The following LMNTD1 variants were observed in gnomAD, a reference collection of about 807,000 sequenced individuals.
The protein encoded by LMNTD1 is lamin tail domain containing 1.
LMNTD1 carries 35 observed loss-of-function variants against 50.9 expected under a neutral mutation model. The ratio of observed to expected loss-of-function variants is 0.69; its 90% CI spans 0.53 to 0.91. The LOEUF (loss-of-function observed/expected upper bound fraction) is 0.91. Among genes scored for constraint, LMNTD1 ranks in the 40% least tolerant of loss-of-function variants. The pLI is 0.00. For synonymous variants in LMNTD1, 153 were observed against 161.9 expected, an observed-to-expected ratio of 0.94 and a Z score of 0.42; for missense variants, 470 against 475.5, an observed-to-expected ratio of 0.99 and a Z score of 0.11.
chr12:25,484,392 C>A (rs1190723213), intron 9 of LMNTD1, among the ~76,000 whole-genome samples: 6 of 151,878 alleles, frequency 4.0e-5, no homozygotes. Flanking sequence ...AGCCACTGCG[C>A]CTGGCCCAGC....
chr12:25,583,315 C>T (rs186640759), intron 1 of LMNTD1, among the ~76,000 whole-genome samples: 1,499 of 137,746 alleles, frequency 0.011, 13 homozygotes, highest in Non-Finnish European at 0.016. Flanking sequence ...GCGTGAGCCA[C>T]CGTGCCCGGC....
At chr12:25,606,166 T>C (rs1458346076) in intron 1 of LMNTD1, among the ~76,000 whole-genome samples, 2 of 152,208 alleles carry the variant, frequency 1.3e-5, no homozygotes, top group African/African-American at 4.8e-5. Context: ...ATGCTTCTGA[T>C]TTTTTCACAT....
At chr12:25,524,839 G>A (rs967639028) in intron 6 of LMNTD1, among the ~76,000 whole-genome samples, 1 of 152,116 alleles carries the variant, frequency 6.6e-6, no homozygotes, top group Admixed American at 6.5e-5. Context: ...GAGCCCACAA[G>A]GAGATCTAAA....
rs1437285272 is a variant in LMNTD1 at position 25,523,554 on chromosome 12, G to A, written c.798+2545C>T. 9.9e-5 allele frequency among the ~76,000 whole-genome samples: 15 copies of A among 152,192 alleles called. No homozygotes were observed. The East Asian group carries it at 2.1e-3, about 22-fold the overall frequency. On this transcript the variant is annotated intron_variant, in intron 6 of 9. Transcript: ENST00000458174. Reference sequence around the variant, plus strand: ...AGGGTCATGATGACACTTTGAGTTCGTGTTTCAGCATGTCTATGAGAAGGC... The same window carrying A: ...AGGGTCATGATGACACTTTGAGTTCATGTTTCAGCATGTCTATGAGAAGGC...
chr12:25,633,802 C>A (rs976974145), intron 1 of LMNTD1, among the ~76,000 whole-genome samples: 14 of 152,098 alleles, frequency 9.2e-5, no homozygotes, highest in Admixed American at 7.9e-4. Flanking sequence ...CCAAACCCAG[C>A]AGAAGAAAGG....
intron 1 of LMNTD1, among the ~76,000 whole-genome samples, chr12:25,609,809 T>C (rs1486450527): frequency 1.3e-5 from 2 of 152,244 alleles, no homozygotes; most frequent in Admixed American, 6.5e-5. Flanking sequence ...AGGGACCAAC[T>C]TGAAGAAGCA....
intron 9 of LMNTD1, among the ~76,000 whole-genome samples, chr12:25,486,492 TTA>T (rs1273563531): frequency 1.5e-5 from 2 of 137,524 alleles, no homozygotes; most frequent in Admixed American, 1.6e-4. Context: ...TGAATACCCT[TTA>T]TTTCCTTCTC....
intron 1 of LMNTD1, among the ~76,000 whole-genome samples, chr12:25,602,529 A>G (rs1946004511): frequency 6.6e-6 from 1 of 152,062 alleles, no homozygotes. Context: ...TGGCAAGTCC[A>G]CAACTGCCTC....
intron 1 of LMNTD1, among the ~76,000 whole-genome samples, chr12:25,603,999 C>G (rs1303852607): frequency 6.6e-6 from 1 of 152,002 alleles, no homozygotes; most frequent in Non-Finnish European, 1.5e-5. Context: ...TAATAAAGAG[C>G]TATGCAAACA....
intron 1 of LMNTD1, among the ~76,000 whole-genome samples, chr12:25,583,579 A>T (rs960140485): frequency 5.9e-5 from 9 of 152,200 alleles, no homozygotes; most frequent in African/African-American, 2.2e-4. Context: ...ATTTCCCCGT[A>T]TCTTTTTGAA....
At chr12:25,567,929 T>C (rs1441322565) in intron 1 of LMNTD1, among the ~76,000 whole-genome samples, 1 of 151,990 alleles carries the variant, frequency 6.6e-6, no homozygotes, top group African/African-American at 2.4e-5. Flanking sequence ...AAGTGGGGTG[T>C]TTCTATAAAG....
chr12:25,637,363 A>G (rs1270812508), intron 1 of LMNTD1, among the ~76,000 whole-genome samples: 4 of 152,166 alleles, frequency 2.6e-5, no homozygotes, highest in Non-Finnish European at 4.4e-5. Context: ...ACAGAATTAA[A>G]GGAAAGCCTG....
intron 6 of LMNTD1, among the ~76,000 whole-genome samples, chr12:25,523,691 A>T (rs1245221752): frequency 6.6e-6 from 1 of 152,192 alleles, no homozygotes; most frequent in Non-Finnish European, 1.5e-5. Context: ...CTATACTTAC[A>T]TTAGGGTTTC....
At chr12:25,621,992 G>A (rs1946481691) in intron 1 of LMNTD1, among the ~76,000 whole-genome samples, 1 of 152,184 alleles carries the variant, frequency 6.6e-6, no homozygotes, top group Non-Finnish European at 1.5e-5. Flanking sequence ...GAGGCAAGTG[G>A]GTTGGATCAA....
chr12:25,587,959 G>A (rs829057), intron 1 of LMNTD1, among the ~76,000 whole-genome samples: 122,968 of 152,116 alleles, frequency 0.81, 50,089 homozygotes, highest in Middle Eastern at 0.9. Flanking sequence ...ATATTTACCA[G>A]GCACCATGGT....
intron 1 of LMNTD1, among the ~76,000 whole-genome samples, chr12:25,563,484 C>T (rs576623811): frequency 6.6e-6 from 1 of 152,326 alleles, no homozygotes; most frequent in African/African-American, 2.4e-5. Flanking sequence ...GCAGATGTTG[C>T]TGCCTGATCC....
chr12:25,482,882 A>C (rs1465210181), intron 9 of LMNTD1, among the ~76,000 whole-genome samples: 2 of 151,946 alleles, frequency 1.3e-5, no homozygotes, highest in African/African-American at 4.9e-5. Context: ...ACGGAAAAGA[A>C]TGCTGTCGGG....
intron 1 of LMNTD1, among the ~76,000 whole-genome samples, chr12:25,611,704 T>C (rs1457755410): frequency 6.6e-6 from 1 of 152,202 alleles, no homozygotes; most frequent in East Asian, 1.9e-4. Context: ...CACACAGTCA[T>C]AGCCATGAGT....
intron 1 of LMNTD1, among the ~76,000 whole-genome samples, chr12:25,563,564 T>C (rs1317076922): frequency 3.9e-5 from 6 of 152,200 alleles, no homozygotes; most frequent in African/African-American, 1.4e-4. Context: ...TACTGGGAGA[T>C]GTCTCCCAGT....
Sources: allele counts gnomAD v4.1 joint callset (sites outside exome capture counted in the v4.1 genomes callset), GRCh38; gene constraint gnomAD v4.1.1; transcripts MANE v1.5; gene names NCBI Gene and HGNC (gene_info 2026-07-23, HGNC 2026-07-21).